The following NALF1 variants were observed in gnomAD, a reference collection of about 807,000 sequenced individuals.
NALF1 encodes the protein NALCN channel auxiliary factor 1, also known as family with sequence similarity 155 member A.
In NALF1, 3 loss-of-function variants were observed where a neutral mutation model predicts 48.4. That is an observed-to-expected ratio of 0.06 (90% CI 0.03 to 0.16). The LOEUF is 0.16. Among genes scored for constraint, NALF1 ranks in the 10% least tolerant of loss-of-function variants. NALF1 has a pLI of 1.00. For synonymous variants in NALF1, 262 were observed against 245.7 expected (o/e 1.07, Z -0.62); for missense variants, 526 against 571.5 (o/e 0.92, Z 0.81).
rs148071941 is a variant in NALF1, at chr13:107,669,294, A to G, written c.915+196388T>C. 1.9e-4 allele frequency among the ~76,000 whole-genome samples: 29 copies of G among 152,252 alleles called. No homozygotes were observed. The East Asian group carries it at 5.4e-3, about 28-fold the overall frequency. ...AACACTTTATCCAGTTATAACCAGT[A>G]ATCAGAATTTACTCTTAATAGTCAT... On this transcript the variant is annotated intron_variant, in intron 1 of 2. Transcript: ENST00000375915.
At chr13:107,715,506 A>G (rs184373911) in intron 1 of NALF1, among the ~76,000 whole-genome samples, 1 of 152,246 alleles carries the variant, frequency 6.6e-6, no homozygotes, top group Admixed American at 6.5e-5. Context: ...CCGGCCTTTT[A>G]TAACAGTTTA....
At chr13:107,283,557 T>C (rs759888586) in intron 1 of NALF1, among the ~76,000 whole-genome samples, 2 of 152,126 alleles carry the variant, frequency 1.3e-5, no homozygotes, top group African/African-American at 4.8e-5. Context: ...GAAGATGGCA[T>C]CCCGTGTTCC....
At chr13:107,233,446 T>C (rs958332252) in intron 1 of NALF1, among the ~76,000 whole-genome samples, 2 of 152,208 alleles carry the variant, frequency 1.3e-5, no homozygotes, top group African/African-American at 4.8e-5. Flanking sequence ...AGCCATTTAG[T>C]AGAATGTATG....
chr13:107,765,946 T>C (rs1199321556), intron 1 of NALF1, among the ~76,000 whole-genome samples: 1 of 152,184 alleles, frequency 6.6e-6, no homozygotes, highest in African/African-American at 2.4e-5. Context: ...TAAATTCCTC[T>C]TTATCTAGGT....
chr13:107,847,470 G>T (rs1218821056), intron 1 of NALF1, among the ~76,000 whole-genome samples: 1 of 152,176 alleles, frequency 6.6e-6, no homozygotes, highest in Non-Finnish European at 1.5e-5. Context: ...CTAACAAACA[G>T]AATACAGCAA....
Position 107,830,423 on chromosome 13 carries a change from T to C in NALF1, c.915+35259A>G, listed in dbSNP as rs532141677. On this transcript the variant is annotated intron_variant, in intron 1 of 2. Coordinates refer to ENST00000375915, the MANE Select transcript of NALF1 (RefSeq NM_001080396.3). ...CACCAACAATGCACAAGGGTTCCAA[T>C]CGCTCCATATCCCTGCCAACACTTG... is the stretch of plus-strand genomic sequence containing the variant. Among the ~76,000 whole-genome samples, 4 of 152,340 alleles carry C rather than the reference T, an allele frequency of 2.6e-5. No individual in the cohort carries two copies. The South Asian group carries it at 8.3e-4, about 32-fold the overall frequency.
At chr13:107,195,712 T>C (rs997098345) in intron 2 of NALF1, among the ~76,000 whole-genome samples, 2 of 152,228 alleles carry the variant, frequency 1.3e-5, no homozygotes, top group African/African-American at 4.8e-5. Context: ...AATCGGTTCT[T>C]AGTAAATGTT....
chr13:107,341,053 G>A (rs74116016), intron 1 of NALF1, among the ~76,000 whole-genome samples: 1,204 of 120,220 alleles, frequency 0.01, 13 homozygotes, highest in African/African-American at 0.033. Context: ...CACCGCCCCC[G>A]CCGCCCCGAA....
At chr13:107,216,897 TC>T (rs1879884538) in intron 1 of NALF1, among the ~76,000 whole-genome samples, 1 of 152,124 alleles carries the variant, frequency 6.6e-6, no homozygotes, top group Non-Finnish European at 1.5e-5. Flanking sequence ...GAAAAGCAGA[TC>T]AACTCGGCTG....
At chr13:107,778,597 GTTTT>G (rs894436936) in intron 1 of NALF1, among the ~76,000 whole-genome samples, 1 of 151,320 alleles carries the variant, frequency 6.6e-6, no homozygotes, top group Non-Finnish European at 1.5e-5. Flanking sequence ...TTTTTTTTCT[GTTTT>G]TTTGTTTGTT....
intron 1 of NALF1, among the ~76,000 whole-genome samples, chr13:107,863,621 T>G (rs530443775): frequency 6.6e-6 from 1 of 152,190 alleles, no homozygotes. Flanking sequence ...TTTAAAGAAA[T>G]TAAGGTTTTC....
intron 1 of NALF1, among the ~76,000 whole-genome samples, chr13:107,601,839 A>T (rs1035380133): frequency 1.3e-5 from 2 of 151,968 alleles, no homozygotes; most frequent in South Asian, 2.1e-4. Flanking sequence ...TAAAAAAAAA[A>T]TGCTGTTACT....
chr13:107,360,583 A>G (rs1883043820), intron 1 of NALF1, among the ~76,000 whole-genome samples: 1 of 152,200 alleles, frequency 6.6e-6, no homozygotes, highest in Non-Finnish European at 1.5e-5. Flanking sequence ...AATCCTATTT[A>G]ATGTATATTC....
At chr13:107,612,087 GAGA>G (rs1879241141) in intron 1 of NALF1, among the ~76,000 whole-genome samples, 1 of 65,622 alleles carries the variant, frequency 1.5e-5, no homozygotes, top group Non-Finnish European at 3.1e-5. Context: ...GAGTGGGGGG[GAGA>G]GAGGGGAGGG....
intron 1 of NALF1, among the ~76,000 whole-genome samples, chr13:107,633,450 C>A (rs917581944): frequency 2.6e-5 from 4 of 151,732 alleles, no homozygotes; most frequent in Non-Finnish European, 5.9e-5. Flanking sequence ...TCATAATGCA[C>A]CATTTTATAG....
chr13:107,462,371 C>T (rs1884933750), intron 1 of NALF1, among the ~76,000 whole-genome samples: 1 of 152,148 alleles, frequency 6.6e-6, no homozygotes, highest in Non-Finnish European at 1.5e-5. Context: ...ACATACAATG[C>T]ATATTACATA....
intron 1 of NALF1, among the ~76,000 whole-genome samples, chr13:107,432,092 T>C (rs1286720868): frequency 1.3e-5 from 2 of 152,162 alleles, no homozygotes; most frequent in Non-Finnish European, 2.9e-5. Flanking sequence ...GGAGGTGTCA[T>C]CTGCTTCTGG....
At chr13:107,245,470 A>T (rs931730129) in intron 1 of NALF1, among the ~76,000 whole-genome samples, 1 of 152,226 alleles carries the variant, frequency 6.6e-6, no homozygotes, top group Admixed American at 6.5e-5. Flanking sequence ...CTCACCAAGT[A>T]ATAACTCTGA....
intron 1 of NALF1, among the ~76,000 whole-genome samples, chr13:107,677,340 C>A (rs536155528): frequency 1.3e-5 from 2 of 152,268 alleles, no homozygotes; most frequent in South Asian, 2.1e-4. Context: ...CCGTGCCCAG[C>A]CAATAGTACT....
Sources: allele counts gnomAD v4.1 joint callset (sites outside exome capture counted in the v4.1 genomes callset), GRCh38; gene constraint gnomAD v4.1.1; transcripts MANE v1.5; gene names NCBI Gene and HGNC (gene_info 2026-07-23, HGNC 2026-07-21).